FSD1L: variants seen among roughly 807,000 people sequenced by gnomAD.
The protein encoded by FSD1L is FSD1-like protein.
Under a neutral mutation model 71.6 loss-of-function variants are expected in FSD1L, and 45 were observed. The ratio of observed to expected loss-of-function variants is 0.63; its 90% CI spans 0.49 to 0.81. The LOEUF (loss-of-function observed/expected upper bound fraction) is 0.81, where lower values mean the gene tolerates loss of function less well. Ranked by LOEUF, FSD1L falls within the 30% of genes least tolerant of loss-of-function variation. The probability of loss-of-function intolerance (pLI) is 0.00; values close to 1 mark genes in which losing one functional copy is unlikely to be tolerated. For missense variants in FSD1L, 561 were observed against 618.1 expected (o/e 0.91, Z 0.98); for synonymous variants, 197 against 207.2 (o/e 0.95, Z 0.42).
chr9:105,485,110 C>T (rs1315339172), intron 7 of FSD1L, among the ~76,000 whole-genome samples: 1 of 152,084 alleles, frequency 6.6e-6, no homozygotes, highest in African/African-American at 2.4e-5. Flanking sequence ...CTAAATTATT[C>T]ACATATGTAA....
intron 7 of FSD1L, among the ~76,000 whole-genome samples, chr9:105,494,585 T>C (rs1439728642): frequency 6.6e-6 from 1 of 152,224 alleles, no homozygotes; most frequent in Admixed American, 6.5e-5. Context: ...CTCTGGTTTT[T>C]AGAGTTTCCA....
intron 10 of FSD1L, among the ~76,000 whole-genome samples, chr9:105,518,308 G>A (rs1834867126): frequency 6.6e-6 from 1 of 152,196 alleles, no homozygotes; most frequent in African/African-American, 2.4e-5. Flanking sequence ...GGATCAAGCG[G>A]ACGTAATAGA....
chr9:105,471,323 T>C (rs1293306032), intron 4 of FSD1L, among the ~76,000 whole-genome samples: 3 of 152,184 alleles, frequency 2.0e-5, no homozygotes, highest in African/African-American at 4.8e-5. Flanking sequence ...CTCATTGATA[T>C]CTGTTGTTTG....
At chr9:105,466,526 C>G (rs1421689371) in intron 3 of FSD1L, among the ~76,000 whole-genome samples, 1 of 152,118 alleles carries the variant, frequency 6.6e-6, no homozygotes, top group Non-Finnish European at 1.5e-5. Context: ...AACCCCATCT[C>G]TACTAAAAAT....
intron 7 of FSD1L, among the ~76,000 whole-genome samples, chr9:105,495,073 T>G (rs138240875): frequency 0.012 from 1,800 of 152,330 alleles, 51 homozygotes; most frequent in African/African-American, 0.041. Context: ...TACTGCTGTC[T>G]TTTTGTTCGT....
chr9:105,461,839 C>A (rs1588928134), intron 2 of FSD1L, among the ~76,000 whole-genome samples: 1 of 152,158 alleles, frequency 6.6e-6, no homozygotes, highest in Non-Finnish European at 1.5e-5. Flanking sequence ...CATAGTGAGA[C>A]CTCGTCTCTA....
intron 1 of FSD1L, among the ~76,000 whole-genome samples, chr9:105,451,621 G>A (rs1299579307): frequency 6.6e-6 from 1 of 152,186 alleles, no homozygotes; most frequent in Non-Finnish European, 1.5e-5. Context: ...AATAAACAGA[G>A]GGATTTTGTT....
chr9:105,546,440 T>C lies in FSD1L; in HGVS notation c.1550T>C (p.Met517Thr), dbSNP rs1187202508. 1 of 1,550,432 alleles carries C rather than the reference T, an allele frequency of 6.4e-7. No individual in the cohort carries two copies. Among genetic ancestry groups the C allele is most frequent in the Non-Finnish European group, 8.7e-7 (1 of 1,146,152 alleles). ...VRTLQKSENG[M>T]TGSASSLNNV... ...ACACTTCAGAAAAGTGAAAATGGAATGACTGGTTCAGCTAGCAGCCTGAAC... is the reference window on the plus strand; with the variant it reads ...ACACTTCAGAAAAGTGAAAATGGAACGACTGGTTCAGCTAGCAGCCTGAAC... Residue 517 changes from methionine to threonine, a missense_variant, in exon 14 of 14, where the codon ATG becomes ACG. This residue lies in a region of FSD1L where 98 missense variants were observed against 102.3 expected (regional missense o/e 0.96). Transcript: ENST00000481272.
intron 4 of FSD1L, among the ~76,000 whole-genome samples, 164 bp downstream of exon 4, chr9:105,468,488 A>G (rs1831218999): frequency 6.6e-6 from 1 of 152,096 alleles, no homozygotes; most frequent in Admixed American, 6.6e-5. Flanking sequence ...TGTTAAAAAA[A>G]CAATTTATTC....
In FSD1L at chr9:105,526,438, G is replaced by A. The variant is rs928250409; in HGVS notation, c.1026-8055G>A. 3.7e-6 allele frequency: 6 copies of A among 1,612,854 alleles called. No individual in the cohort carries two copies. The African/African-American group carries it at 8.0e-5, about 22-fold the overall frequency. ...CTCCCACAGCAGCGCAGGTAGATGG[G>A]GCTGACCTGGCCTCTCCAATGTCTC... On this transcript the variant is annotated intron_variant, in intron 10 of 13. Coordinates refer to ENST00000481272, the MANE Select transcript of FSD1L (RefSeq NM_001145313.3).
intron 10 of FSD1L, among the ~76,000 whole-genome samples, chr9:105,516,057 C>T (rs543072521): frequency 1.6e-4 from 24 of 152,242 alleles, no homozygotes; most frequent in African/African-American, 5.3e-4. Flanking sequence ...GTTTTCCCCT[C>T]ATAGTGTAAA....
chr9:105,513,085 G>A (rs1418552611), intron 10 of FSD1L, 149 bp downstream of exon 10: 2 of 606,836 alleles, frequency 3.3e-6, no homozygotes, highest in Non-Finnish European at 2.5e-6. Context: ...AATACTATTT[G>A]TCAGTAGTTT....
chr9:105,469,935 C>T (rs755500490), intron 4 of FSD1L, among the ~76,000 whole-genome samples: 14 of 151,978 alleles, frequency 9.2e-5, no homozygotes, highest in Non-Finnish European at 1.6e-4. Context: ...TTAATTTTTG[C>T]GTATGGTGTT....
At chr9:105,514,994 C>T (rs1197958155) in intron 10 of FSD1L, among the ~76,000 whole-genome samples, 1 of 152,158 alleles carries the variant, frequency 6.6e-6, no homozygotes, top group Non-Finnish European at 1.5e-5. Flanking sequence ...AGCAACTCAG[C>T]CTAGGGCCTC....
At chr9:105,496,957 A>G (rs1219218759) in intron 7 of FSD1L, among the ~76,000 whole-genome samples, 1 of 152,206 alleles carries the variant, frequency 6.6e-6, no homozygotes, top group Non-Finnish European at 1.5e-5. Flanking sequence ...TAGTGGAAAC[A>G]TTTTGAGTTT....
In FSD1L at chr9:105,534,571, T is replaced by C. The variant is rs1169221986; in HGVS notation, c.1104T>C (p.Thr368=). The C allele has an allele frequency of 6.5e-6, 10 of 1,547,006 alleles. No homozygotes were observed. In the East Asian group the frequency reaches 9.8e-5, roughly 15 times the overall value. The change falls in exon 11 of 14, where the codon ACT becomes ACC. Residue 368 remains threonine (T), a synonymous_variant. Transcript: ENST00000481272. ...PAVRGSRDRF[T]GESYTVLGDT... ...TAAGAGGCAGTAGAGATCGTTTTAC[T>C]GGAGAATCATACACAGTGCTGGGTA...
intron 12 of FSD1L, among the ~76,000 whole-genome samples, chr9:105,536,625 T>G (rs962397841): frequency 1.5e-4 from 23 of 151,820 alleles, no homozygotes; most frequent in Non-Finnish European, 2.9e-4. Context: ...ATGGTTTTGG[T>G]TTTTTTTGTT....
chr9:105,524,663 G>C lies in FSD1L; in HGVS notation c.1026-9830G>C, dbSNP rs952975902. ...ATCCTTTTATGCATTTGGAAAGTCT[G>C]AAAGAGCCTGAGCCTCTGCGCTCTC... On this transcript the variant is annotated intron_variant, in intron 10 of 13. Coordinates refer to ENST00000481272, the MANE Select transcript of FSD1L (RefSeq NM_001145313.3). 26 of 1,613,868 alleles carry C rather than the reference G, an allele frequency of 1.6e-5. No homozygotes were observed. The African/African-American group carries it at 3.3e-4, about 21-fold the overall frequency.
intron 12 of FSD1L, among the ~76,000 whole-genome samples, chr9:105,535,886 G>A (rs1425454670): frequency 2.6e-5 from 4 of 152,186 alleles, no homozygotes; most frequent in South Asian, 4.2e-4. Context: ...GTGCCAAACC[G>A]CATCACACTT....
Sources: allele counts gnomAD v4.1 joint callset (sites outside exome capture counted in the v4.1 genomes callset), GRCh38; gene constraint gnomAD v4.1.1; regional missense constraint gnomAD v4.1.1; transcripts MANE v1.5; gene names NCBI Gene and HGNC (gene_info 2026-07-23, HGNC 2026-07-21).